The following CFAP92 variants were observed in gnomAD, a reference collection of about 807,000 sequenced individuals.
CFAP92 encodes the protein cilia and flagella associated protein 92 (putative).
Under a neutral mutation model 106.3 loss-of-function variants are expected in CFAP92, and 86 were observed. The observed-to-expected ratio is 0.81, with a 90% CI of 0.68 to 0.97. The LOEUF is 0.97. Ranked by LOEUF, CFAP92 falls within the 50% of genes least tolerant of loss-of-function variation. CFAP92 has a pLI of 0.00. For missense variants in CFAP92, 1,204 were observed against 1,283.8 expected (o/e 0.94, Z 0.95); for synonymous variants, 477 against 506.4 (o/e 0.94, Z 0.78).
chr3:128,926,753 G>A (rs1232103741), intron 12 of CFAP92, among the ~76,000 whole-genome samples: 1 of 152,108 alleles, frequency 6.6e-6, no homozygotes, highest in Admixed American at 6.6e-5. Context: ...GGTTAAATGA[G>A]GTCATAAGGT....
At chr3:128,937,354 T>C (rs1939138273) in intron 10 of CFAP92, among the ~76,000 whole-genome samples, 1 of 148,574 alleles carries the variant, frequency 6.7e-6, no homozygotes, top group Non-Finnish European at 1.5e-5. Flanking sequence ...GGTTTACGCC[T>C]GTAATCCCAG....
At chr3:129,002,010 G>C in intron 1 of CFAP92, 1 of 1,546,232 alleles carries the variant, frequency 6.5e-7, no homozygotes, top group Non-Finnish European at 8.7e-7. Flanking sequence ...TACCGATGAA[G>C]AGGCGCGCCT....
upstream of CFAP92, among the ~76,000 whole-genome samples, chr3:129,006,132 C>G (rs1235357683): frequency 6.6e-6 from 1 of 152,200 alleles, no homozygotes. Flanking sequence ...GTAATGTACC[C>G]AAGGCCACAC....
At chr3:128,991,652 C>A in intron 2 of CFAP92, 1 of 407,376 alleles carries the variant, frequency 2.5e-6, no homozygotes. Context: ...TTGCCCCGTC[C>A]TCACTTGGGG....
chr3:128,986,471 TC>T (rs138494391), intron 4 of CFAP92, among the ~76,000 whole-genome samples: 5,909 of 152,206 alleles, frequency 0.039, 294 homozygotes, highest in African/African-American at 0.11. Flanking sequence ...AACTCCTGCC[TC>T]AGCCTCCCAA....
chr3:128,935,717 CAAAAACAAAACAA>C (rs1938936402), intron 10 of CFAP92, among the ~76,000 whole-genome samples: 2 of 151,812 alleles, frequency 1.3e-5, no homozygotes, highest in Non-Finnish European at 1.5e-5. Flanking sequence ...CGTCTCAAAA[CAAAAACAAAACAA>C]AAAAACAAGC....
chr3:129,017,118 C>T, the CFAP92 span, among the ~76,000 whole-genome samples: 1 of 152,232 alleles, frequency 6.6e-6, no homozygotes, highest in Non-Finnish European at 1.5e-5. Context: ...ACGGGTCCTC[C>T]TGGCAGACTT....
In CFAP92 at chr3:128,916,316, A is replaced by AC. The variant is rs566066675; in HGVS notation, c.2752-46dup. The AC allele has an allele frequency of 2.9e-4, 354 of 1,200,678 alleles. 2 individuals are homozygous for AC. The African/African-American group carries it at 5.3e-3, about 18-fold the overall frequency. The allele number at this position is 1,200,678 out of a possible 1,614,324, so 74.4% of individuals were successfully genotyped here. The stretch of plus-strand genomic sequence containing the variant: ...TCACTACCCACACCAGGTCATCCTC[A>AC]CCCCCCATGCCAGCTCATATGCAGT... On this transcript the variant is annotated intron_variant, in intron 12 of 15. Transcript: ENST00000645291.
chr3:128,935,573 G>A (rs1938918171), intron 10 of CFAP92, among the ~76,000 whole-genome samples: 1 of 152,220 alleles, frequency 6.6e-6, no homozygotes, highest in East Asian at 1.9e-4. Context: ...TTAGCCGGGC[G>A]TGGTGGCACA....
At chr3:129,012,890 A>G in the CFAP92 span, among the ~76,000 whole-genome samples, 52 of 152,142 alleles carry the variant, frequency 3.4e-4, no homozygotes, top group African/African-American at 1.2e-3. Context: ...GCATTTTTTT[A>G]TGTAGTGTAG....
At chr3:128,941,324 T>A (rs1381479619) in intron 10 of CFAP92, among the ~76,000 whole-genome samples, 2 of 152,184 alleles carry the variant, frequency 1.3e-5, no homozygotes, top group Admixed American at 6.5e-5. Context: ...TATAATTTTT[T>A]AAATATATTG....
In CFAP92 at chr3:128,987,656, A is replaced by C. The variant is rs531634443; in HGVS notation, c.627T>G (p.Thr209=). 58 of 1,614,026 alleles carry C rather than the reference A, an allele frequency of 3.6e-5. 1 individual carries two copies. In the East Asian group the frequency reaches 1.1e-3, roughly 30 times the overall value. The part of the protein sequence containing the change: ...SRKVRYYRLK[T]AGFTDDVGAF... Reference sequence around the variant, plus strand: ...CTCCCACGTCGTCTGTGAAGCCGGCAGTCTTTAATCGGTAATATCTGACTT... The same window carrying C: ...CTCCCACGTCGTCTGTGAAGCCGGCCGTCTTTAATCGGTAATATCTGACTT... Residue 209 remains threonine (T), a synonymous_variant, in exon 4 of 16, where the codon ACT becomes ACG. Transcript: ENST00000645291.
chr3:129,017,447 TC>T, the CFAP92 span, among the ~76,000 whole-genome samples: 1 of 152,168 alleles, frequency 6.6e-6, no homozygotes, highest in Non-Finnish European at 1.5e-5. Context: ...CTGCACAAGC[TC>T]GCACAAGGCC....
chr3:128,959,963 C>T (rs1167061731), intron 9 of CFAP92, among the ~76,000 whole-genome samples: 21 of 152,144 alleles, frequency 1.4e-4, no homozygotes, highest in Admixed American at 1.4e-3. Context: ...TTTGTTCCCG[C>T]CCCACCCTAA....
At chr3:128,924,529 CCA>C (rs1937532762) in intron 12 of CFAP92, among the ~76,000 whole-genome samples, 1 of 149,538 alleles carries the variant, frequency 6.7e-6, no homozygotes, top group African/African-American at 2.5e-5. Flanking sequence ...ACTGCAACCT[CCA>C]TCCCCTGGGT....
At chr3:128,942,901 T>C (rs1395196985) in intron 10 of CFAP92, among the ~76,000 whole-genome samples, 1 of 146,908 alleles carries the variant, frequency 6.8e-6, no homozygotes, top group Non-Finnish European at 1.5e-5. Flanking sequence ...AAGCTGGTCT[T>C]GAACAAAACT....
At chr3:128,913,367 T>C (rs1353385026) in intron 15 of CFAP92, among the ~76,000 whole-genome samples, 1 of 152,242 alleles carries the variant, frequency 6.6e-6, no homozygotes, top group Non-Finnish European at 1.5e-5. Flanking sequence ...CTAGGGACTT[T>C]AGTTTCTTTA....
upstream of CFAP92, among the ~76,000 whole-genome samples, chr3:128,994,583 T>C (rs1185964248): frequency 6.6e-6 from 1 of 152,222 alleles, no homozygotes; most frequent in Admixed American, 6.5e-5. Flanking sequence ...AGAATTCTTG[T>C]TAGTGATCAT....
At chr3:128,946,735 G>A (rs1940255260) in intron 9 of CFAP92, among the ~76,000 whole-genome samples, 1 of 152,056 alleles carries the variant, frequency 6.6e-6, no homozygotes, top group African/African-American at 2.4e-5. Flanking sequence ...TTCAACCTAG[G>A]CCTCAAAGAA....
Sources: gnomAD v4.1 joint callset for allele counts (sites outside exome capture counted in the v4.1 genomes callset) on GRCh38, gnomAD v4.1.1 for gene constraint, MANE v1.5 for transcripts, NCBI Gene and HGNC (gene_info 2026-07-23, HGNC 2026-07-21) for gene names.